The following NIPBL variants were observed in gnomAD, a reference collection of about 807,000 sequenced individuals.
NIPBL encodes the protein nipped-B-like protein.
A neutral mutation model predicts 321.8 loss-of-function variants in NIPBL; 19 were observed. The ratio of observed to expected loss-of-function variants is 0.06; its 90% CI spans 0.04 to 0.09. NIPBL has a LOEUF of 0.09. Among genes scored for constraint, NIPBL ranks in the 10% least tolerant of loss-of-function variants. The probability of loss-of-function intolerance (pLI) is 1.00; values close to 1 mark genes in which losing one functional copy is unlikely to be tolerated. For synonymous variants in NIPBL, 1,106 were observed against 1,114.1 expected (o/e 0.99, Z 0.14); for missense variants, 2,210 against 3,327.0 (o/e 0.66, Z 8.26).
chr5:37,055,409 A>G (rs1283785650), intron 42 of NIPBL, among the ~76,000 whole-genome samples: 9 of 151,896 alleles, frequency 5.9e-5, no homozygotes, highest in Non-Finnish European at 1.0e-4. Flanking sequence ...AAGTTGAGGA[A>G]AGAATTAAAT....
chr5:36,877,860 T>C (rs1745214601), intron 1 of NIPBL, among the ~76,000 whole-genome samples: 1 of 152,208 alleles, frequency 6.6e-6, no homozygotes, highest in Non-Finnish European at 1.5e-5. Flanking sequence ...CATACTGTGG[T>C]AGACACTGCA....
chr5:36,991,878 G>A (rs1745563145), intron 10 of NIPBL, among the ~76,000 whole-genome samples: 2 of 151,526 alleles, frequency 1.3e-5, no homozygotes. Flanking sequence ...TAGTTTACGT[G>A]ATTTATTTCT....
At chr5:37,034,862 A>G (rs1325958552) in intron 32 of NIPBL, among the ~76,000 whole-genome samples, 1 of 152,240 alleles carries the variant, frequency 6.6e-6, no homozygotes, top group African/African-American at 2.4e-5. Context: ...TTAGAAGGGC[A>G]TATACGAGTG....
At chr5:37,024,297 T>C (rs1263278986) in intron 29 of NIPBL, among the ~76,000 whole-genome samples, 1 of 152,242 alleles carries the variant, frequency 6.6e-6, no homozygotes, top group Non-Finnish European at 1.5e-5. Context: ...TTCTAAAGCT[T>C]ATGTTTGTTT....
At chr5:36,910,109 C>A (rs2149544583) in intron 1 of NIPBL, among the ~76,000 whole-genome samples, 1 of 151,670 alleles carries the variant, frequency 6.6e-6, no homozygotes, top group African/African-American at 2.4e-5. Flanking sequence ...TTAGTATGAT[C>A]TTCAGTTTTG....
chr5:37,019,320 G>T lies in NIPBL; in HGVS notation c.4930G>T (p.Gly1644Trp). ...TTGGTTTATTCTATAGGTTTCAGGAGGGGAAGATGAAATCCAACAATTACA... is the reference window on the plus strand; with the variant it reads ...TTGGTTTATTCTATAGGTTTCAGGATGGGAAGATGAAATCCAACAATTACA... ...IERILKQVSGGEDEIQQLQKA... is the reference protein window; with the variant it reads ...IERILKQVSGWEDEIQQLQKA... Residue 1644 changes from glycine (G) to tryptophan (W), a missense_variant, in exon 25 of 47, where the codon GGG becomes TGG. By Grantham distance (184) the Gly-to-Trp change is radical. This residue lies in a region of NIPBL where 138 missense variants were observed against 175.8 expected (regional missense o/e 0.79). Transcript: ENST00000282516. 6.2e-7 allele frequency: 1 copy of T among 1,609,396 alleles called. No homozygotes were observed. The highest frequency in any genetic ancestry group is 1.3e-5 in the African/African-American group (1 of 74,910).
chr5:37,022,557 T>C (rs938195944), intron 29 of NIPBL, among the ~76,000 whole-genome samples, 167 bp downstream of exon 29: 1 of 152,236 alleles, frequency 6.6e-6, no homozygotes, highest in Non-Finnish European at 1.5e-5. Flanking sequence ...TTTTCAAGAA[T>C]AGCCCTTGCA....
At chr5:37,020,246 A>G (rs1027244510) in intron 25 of NIPBL, among the ~76,000 whole-genome samples, 8 of 152,228 alleles carry the variant, frequency 5.3e-5, no homozygotes, top group African/African-American at 1.7e-4. Flanking sequence ...CTTCATTAAT[A>G]TAAGTATTGG....
chr5:36,880,213 A>G (rs1405319159), intron 1 of NIPBL, among the ~76,000 whole-genome samples: 1 of 152,020 alleles, frequency 6.6e-6, no homozygotes, highest in Non-Finnish European at 1.5e-5. Context: ...AACTAATTTC[A>G]TATTTAATTT....
chr5:36,886,014 G>T lies in NIPBL; in HGVS notation c.-80+8836G>T. 5.6e-6 allele frequency: 4 copies of T among 718,720 alleles called. No homozygotes were observed. In the East Asian group the frequency reaches 1.0e-4, roughly 19 times the overall value. 44.5% of individuals were successfully genotyped at this position (718,720 alleles called of 1,614,324 possible). ...AACCAAGAGGAGCTAGACAAGTACT[G>T]GTCTCAGCAGATTGAGGAGAGCACC... On this transcript the variant is annotated intron_variant, in intron 1 of 46. Transcript: ENST00000282516.
chr5:36,889,633 T>G (rs1328098469), intron 1 of NIPBL, among the ~76,000 whole-genome samples: 1 of 152,178 alleles, frequency 6.6e-6, no homozygotes, highest in Non-Finnish European at 1.5e-5. Flanking sequence ...CTCTAATAAT[T>G]AGTTACCTAG....
chr5:36,878,500 T>C (rs1347681408), intron 1 of NIPBL, among the ~76,000 whole-genome samples: 1 of 152,190 alleles, frequency 6.6e-6, no homozygotes, highest in Non-Finnish European at 1.5e-5. Flanking sequence ...CGTTTTGATA[T>C]TTTGTTTCAT....
chr5:37,048,543 G>A lies in NIPBL; in HGVS notation c.6631G>A (p.Glu2211Lys). The change falls in exon 39 of 47, where the codon GAA becomes AAA. Residue 2211 changes from glutamate to lysine, a missense_variant. Glu to Lys is a moderately conservative substitution (Grantham distance 56, BLOSUM62 1). This residue lies in a region of NIPBL where 40 missense variants were observed against 55.3 expected (regional missense o/e 0.72). Transcript: ENST00000282516. ...GCATCCAAGTCTAATGTTCGAGCAA[G>A]AAGTGAAGAATCTATATAATAATAT... ...IQHPSLMFEQ[E>K]VKNLYNNILS... 1 of 1,586,246 alleles carries A rather than the reference G, an allele frequency of 6.3e-7. No individual in the cohort carries two copies. The highest frequency in any genetic ancestry group is 8.6e-7 in the Non-Finnish European group (1 of 1,166,292).
chr5:37,027,601 T>TG (rs1229418515), intron 32 of NIPBL, among the ~76,000 whole-genome samples, 189 bp downstream of exon 32: 21 of 135,766 alleles, frequency 1.5e-4, no homozygotes, highest in African/African-American at 5.8e-4. Flanking sequence ...TGCCTGGTTG[T>TG]GGTTTTTTTT....
At chr5:36,948,308 A>G (rs1739909596) in intron 1 of NIPBL, among the ~76,000 whole-genome samples, 1 of 151,958 alleles carries the variant, frequency 6.6e-6, no homozygotes, top group South Asian at 2.1e-4. Context: ...GTTGGGTGCC[A>G]CTTATAACTC....
chr5:36,976,721 T>C (rs1743505043), intron 9 of NIPBL, among the ~76,000 whole-genome samples: 1 of 152,132 alleles, frequency 6.6e-6, no homozygotes, highest in Admixed American at 6.6e-5. Context: ...ATTTCACAAG[T>C]TACATTAATA....
At chr5:37,049,937 T>G (rs1038268902) in intron 40 of NIPBL, among the ~76,000 whole-genome samples, 1 of 152,196 alleles carries the variant, frequency 6.6e-6, no homozygotes, top group South Asian at 2.1e-4. Context: ...GTATTTTTCA[T>G]GGAACGTTTT....
Position 37,048,575 on chromosome 5 carries a change from T to C in NIPBL, c.6663T>C (p.Ser2221=), listed in dbSNP as rs1255906110. The stretch of plus-strand genomic sequence containing the variant: ...AGAATCTATATAATAATATTTTATC[T>C]GATAAGAACTCCTCAGTCAATTTAA... ...EVKNLYNNIL[S]DKNSSVNLKI... is the part of the protein sequence containing the mutation. Residue 2221 remains serine, a synonymous_variant, in exon 39 of 47, where the codon TCT becomes TCC. Transcript: ENST00000282516. 6.3e-7 allele frequency: 1 copy of C among 1,587,262 alleles called. No individual in the cohort carries two copies. Among genetic ancestry groups the C allele is most frequent in the Non-Finnish European group, 8.6e-7 (1 of 1,163,830 alleles).
chr5:36,894,495 T>C (rs1025606861), intron 1 of NIPBL, among the ~76,000 whole-genome samples: 13 of 152,198 alleles, frequency 8.5e-5, no homozygotes, highest in African/African-American at 3.1e-4. Context: ...TATATTCGTA[T>C]ATACAAATAT....
Sources: allele counts gnomAD v4.1 joint callset (sites outside exome capture counted in the v4.1 genomes callset), GRCh38; gene constraint gnomAD v4.1.1; regional missense constraint gnomAD v4.1.1; transcripts MANE v1.5; gene names NCBI Gene and HGNC (gene_info 2026-07-23, HGNC 2026-07-21).